The following STARD13 variants were observed in gnomAD, a reference collection of about 807,000 sequenced individuals.
STARD13 encodes stAR-related lipid transfer protein 13.
In STARD13, 62 loss-of-function variants were observed where a neutral mutation model predicts 106.4. The ratio of observed to expected loss-of-function variants is 0.58; its 90% CI spans 0.48 to 0.72. STARD13 has a LOEUF of 0.72. STARD13 is among the 30% of genes least tolerant of loss of function. The probability of loss-of-function intolerance (pLI) is 0.00; values close to 1 mark genes in which losing one functional copy is unlikely to be tolerated. For synonymous variants in STARD13, 565 were observed against 553.0 expected (o/e 1.02, Z -0.31); for missense variants, 1,387 against 1,424.0 (o/e 0.97, Z 0.42).
At chr13:33,456,180 ATTTTCTTTTC>A in the STARD13 span, among the ~76,000 whole-genome samples, 2 of 151,766 alleles carry the variant, frequency 1.3e-5, no homozygotes, top group Admixed American at 1.3e-4. Flanking sequence ...AAACGACAGA[ATTTTCTTTTC>A]TTTTCTTTTC....
chr13:33,106,871 C>T lies in STARD13; in HGVS notation c.3111G>A (p.Glu1037=), dbSNP rs769674362. 15 of 1,614,062 alleles carry T rather than the reference C, an allele frequency of 9.3e-6. No homozygotes were observed. The South Asian group carries it at 1.5e-4, about 17-fold the overall frequency. Residue 1037 remains glutamate, a synonymous_variant, in exon 13 of 14, where the codon GAG becomes GAA. Coordinates refer to ENST00000336934, the MANE Select transcript of STARD13 (RefSeq NM_178006.4). ...CTLVSLSVEH[E]EAQLLGGVRA... is the part of the protein sequence containing the mutation. ...GCACACCACCCAGGAGCTGGGCTTCCTCATGCTCCACGGAGAGGGACACCA... is the reference window on the plus strand; with the variant it reads ...GCACACCACCCAGGAGCTGGGCTTCTTCATGCTCCACGGAGAGGGACACCA...
chr13:33,158,250 AG>A (rs1882209696), intron 3 of STARD13, among the ~76,000 whole-genome samples: 1 of 152,224 alleles, frequency 6.6e-6, no homozygotes, highest in Non-Finnish European at 1.5e-5. Flanking sequence ...AGAGCCTCAG[AG>A]CCAGGCCTTG....
intron 1 of STARD13, among the ~76,000 whole-genome samples, chr13:33,178,739 T>C (rs1340127687): frequency 1.3e-5 from 2 of 152,240 alleles, no homozygotes; most frequent in Admixed American, 6.5e-5. Flanking sequence ...TGCATATGTA[T>C]TTAGACAATT....
chr13:33,549,297 A>G, the STARD13 span, among the ~76,000 whole-genome samples: 1 of 146,370 alleles, frequency 6.8e-6, no homozygotes, highest in African/African-American at 2.8e-5. Flanking sequence ...TTGAGAATAA[A>G]CTGAAATCAA....
the STARD13 span, among the ~76,000 whole-genome samples, chr13:33,435,867 C>T: frequency 1.3e-5 from 2 of 152,112 alleles, no homozygotes; most frequent in Non-Finnish European, 1.5e-5. Context: ...CTCTTCGGCT[C>T]AGATATTTGT....
At chr13:33,220,866 G>C (rs1265628299) in intron 1 of STARD13, among the ~76,000 whole-genome samples, 1 of 152,108 alleles carries the variant, frequency 6.6e-6, no homozygotes, top group African/African-American at 2.4e-5. Flanking sequence ...GAAAATGTTT[G>C]CCTTCTATAA....
intron 1 of STARD13, among the ~76,000 whole-genome samples, chr13:33,207,171 T>C (rs1020011375): frequency 5.9e-5 from 9 of 152,176 alleles, no homozygotes; most frequent in Admixed American, 1.3e-4. Flanking sequence ...GTGCAGAGTA[T>C]ACAGTGCATG....
At chr13:33,541,123 C>T in the STARD13 span, among the ~76,000 whole-genome samples, 1 of 151,958 alleles carries the variant, frequency 6.6e-6, no homozygotes, top group Admixed American at 6.5e-5. Flanking sequence ...TGAAGCAATC[C>T]CTCAATTTAA....
At chr13:33,493,974 C>T in the STARD13 span, among the ~76,000 whole-genome samples, 1 of 152,168 alleles carries the variant, frequency 6.6e-6, no homozygotes, top group Non-Finnish European at 1.5e-5. Flanking sequence ...GGTTTCTCAT[C>T]AGACAGAGTA....
At chr13:33,393,689 G>A in the STARD13 span, among the ~76,000 whole-genome samples, 2 of 151,772 alleles carry the variant, frequency 1.3e-5, no homozygotes, top group South Asian at 2.1e-4. Flanking sequence ...TATTTTATTC[G>A]GTGCCAGACA....
the STARD13 span, among the ~76,000 whole-genome samples, chr13:33,587,179 G>A: frequency 6.7e-6 from 1 of 149,154 alleles, no homozygotes; most frequent in African/African-American, 2.5e-5. Context: ...TTGTGCCATT[G>A]CACTCCAGCC....
chr13:33,458,711 T>C, the STARD13 span, among the ~76,000 whole-genome samples: 1 of 152,064 alleles, frequency 6.6e-6, no homozygotes, highest in Non-Finnish European at 1.5e-5. Flanking sequence ...GGTAGATGGA[T>C]TACAAAAGGG....
At chr13:33,186,112 C>T in intron 1 of STARD13, 1 of 1,475,458 alleles carries the variant, frequency 6.8e-7, no homozygotes, top group Non-Finnish European at 9.2e-7. Context: ...CTCACTGCTC[C>T]CCAGTGACCT....
the STARD13 span, among the ~76,000 whole-genome samples, chr13:33,374,696 G>C: frequency 0.18 from 27,683 of 152,078 alleles, 2,646 homozygotes; most frequent in Middle Eastern, 0.28. Flanking sequence ...TTACTGAATA[G>C]AGATGGTGGG....
At chr13:33,576,718 G>A in the STARD13 span, among the ~76,000 whole-genome samples, 1 of 152,146 alleles carries the variant, frequency 6.6e-6, no homozygotes, top group Non-Finnish European at 1.5e-5. Flanking sequence ...TTTCACCAAA[G>A]ATAGGTGGGA....
intron 1 of STARD13, among the ~76,000 whole-genome samples, chr13:33,304,671 T>C (rs992036292): frequency 8.5e-5 from 13 of 152,190 alleles, no homozygotes; most frequent in African/African-American, 3.1e-4. Context: ...CCCTAAATAA[T>C]ATAAAAATTG....
chr13:33,325,846 A>G (rs974686227), intron 1 of STARD13, among the ~76,000 whole-genome samples: 17 of 152,074 alleles, frequency 1.1e-4, no homozygotes, highest in East Asian at 3.9e-4. Flanking sequence ...TTAGCCGGGC[A>G]TGGTGGCGGG....
At chr13:33,307,684 T>A (rs1335868669) in intron 1 of STARD13, among the ~76,000 whole-genome samples, 3 of 152,032 alleles carry the variant, frequency 2.0e-5, no homozygotes, top group Non-Finnish European at 4.4e-5. Flanking sequence ...AGGGAGAACA[T>A]CAGGATAAAT....
intron 1 of STARD13, among the ~76,000 whole-genome samples, chr13:33,216,063 A>C (rs938641799): frequency 2.0e-5 from 3 of 152,174 alleles, no homozygotes; most frequent in Non-Finnish European, 4.4e-5. Context: ...ATAAAAAATA[A>C]ATAGATGTTG....
Sources: gnomAD v4.1 joint callset for allele counts (sites outside exome capture counted in the v4.1 genomes callset) on GRCh38, gnomAD v4.1.1 for gene constraint, MANE v1.5 for transcripts, NCBI Gene and HGNC (gene_info 2026-07-23, HGNC 2026-07-21) for gene names.